The following CDH13 variants were observed in gnomAD, a reference collection of about 807,000 sequenced individuals.
The protein encoded by CDH13 is cadherin-13.
Under a neutral mutation model 63.8 loss-of-function variants are expected in CDH13, and 24 were observed. That is an observed-to-expected ratio of 0.38 (90% CI 0.27 to 0.53). CDH13 has a LOEUF of 0.53. Among genes scored for constraint, CDH13 ranks in the 20% least tolerant of loss-of-function variants. The pLI is 0.85. For missense variants in CDH13, 1,049 were observed against 903.1 expected (o/e 1.16, Z -2.07); for synonymous variants, 503 against 355.3 (o/e 1.42, Z -4.67).
chr16:83,121,558 G>T (rs1331577639), intron 3 of CDH13, among the ~76,000 whole-genome samples: 1 of 152,198 alleles, frequency 6.6e-6, no homozygotes, highest in African/African-American at 2.4e-5. Context: ...GATGATAGTG[G>T]TCGGAACATG....
chr16:83,017,545 C>A (rs1406562829), intron 2 of CDH13, among the ~76,000 whole-genome samples: 1 of 152,184 alleles, frequency 6.6e-6, no homozygotes, highest in African/African-American at 2.4e-5. Context: ...CTCTGAGCTT[C>A]AGGTTTTCTC....
chr16:83,789,873 C>T (rs2151019073), intron 13 of CDH13: 1 of 152,272 alleles, frequency 6.6e-6, no homozygotes, highest in South Asian at 2.1e-4. Flanking sequence ...TGCCCGTTCT[C>T]TGCTGCAGTG....
At chr16:83,051,387 A>G (rs1219574792) in intron 3 of CDH13, among the ~76,000 whole-genome samples, 2 of 152,226 alleles carry the variant, frequency 1.3e-5, no homozygotes, top group East Asian at 3.8e-4. Flanking sequence ...GAGCTGTGGC[A>G]TCAGTAAAAC....
chr16:83,198,169 G>C (rs2038928028), intron 4 of CDH13, among the ~76,000 whole-genome samples: 1 of 151,696 alleles, frequency 6.6e-6, no homozygotes, highest in African/African-American at 2.4e-5. Flanking sequence ...TGTTAGTTTT[G>C]TAAAGAGGAA....
chr16:82,969,281 C>T (rs930905323), intron 2 of CDH13, among the ~76,000 whole-genome samples: 4 of 151,974 alleles, frequency 2.6e-5, no homozygotes, highest in African/African-American at 9.7e-5. Flanking sequence ...TATCTAATGG[C>T]CCTATACACG....
intron 4 of CDH13, among the ~76,000 whole-genome samples, chr16:83,182,711 C>T (rs989691581): frequency 1.3e-5 from 2 of 152,150 alleles, no homozygotes; most frequent in Non-Finnish European, 1.5e-5. Context: ...CTCATTTAAT[C>T]TTCACTTAGG....
chr16:83,646,814 G>T (rs563031145), intron 8 of CDH13, among the ~76,000 whole-genome samples: 55 of 149,902 alleles, frequency 3.7e-4, no homozygotes, highest in African/African-American at 1.3e-3. Flanking sequence ...TCCAGTAACC[G>T]CAGAGCCATG....
intron 10 of CDH13, among the ~76,000 whole-genome samples, chr16:83,679,495 A>G (rs1915229965): frequency 6.6e-6 from 1 of 152,258 alleles, no homozygotes; most frequent in Non-Finnish European, 1.5e-5. Flanking sequence ...GTGGAGAAGA[A>G]GCAGAAGTTA....
chr16:83,123,977 A>G (rs970349678), intron 3 of CDH13, among the ~76,000 whole-genome samples: 1 of 152,192 alleles, frequency 6.6e-6, no homozygotes, highest in East Asian at 1.9e-4. Flanking sequence ...CATTTTTCAT[A>G]TGTCTGTTGG....
At chr16:82,937,498 A>C (rs2042708186) in intron 2 of CDH13, among the ~76,000 whole-genome samples, 1 of 152,174 alleles carries the variant, frequency 6.6e-6, no homozygotes, top group Non-Finnish European at 1.5e-5. Flanking sequence ...GAACAGAGTC[A>C]GCATTTGTAT....
intron 1 of CDH13, among the ~76,000 whole-genome samples, chr16:82,654,423 C>G (rs977036435): frequency 2.0e-5 from 3 of 152,160 alleles, no homozygotes; most frequent in Non-Finnish European, 2.9e-5. Context: ...TTGAAAACTT[C>G]TCTTGGTTCT....
chr16:83,479,392 C>T (rs144414502), intron 6 of CDH13, among the ~76,000 whole-genome samples: 17 of 152,134 alleles, frequency 1.1e-4, no homozygotes, highest in African/African-American at 3.4e-4. Flanking sequence ...CTCAGCTGGG[C>T]GCGGTGGTTC....
intron 2 of CDH13, among the ~76,000 whole-genome samples, chr16:82,895,705 A>G (rs62035248): frequency 3.3e-5 from 5 of 150,306 alleles, no homozygotes; most frequent in African/African-American, 1.2e-4. Flanking sequence ...TTTTTTTTAA[A>G]GAGGGGTGTT....
chr16:82,705,007 C>T (rs1226651894), intron 1 of CDH13: 2 of 382,162 alleles, frequency 5.2e-6, no homozygotes, highest in African/African-American at 2.1e-5. Context: ...AGGTGAATGA[C>T]CATGCATTGC....
At chr16:83,659,524 C>T (rs1449772511) in intron 8 of CDH13, among the ~76,000 whole-genome samples, 1 of 152,236 alleles carries the variant, frequency 6.6e-6, no homozygotes, top group African/African-American at 2.4e-5. Flanking sequence ...TTGTTCTCAG[C>T]CCTTGGCTGT....
intron 5 of CDH13, among the ~76,000 whole-genome samples, chr16:83,318,545 C>T (rs2090153786): frequency 6.6e-6 from 1 of 152,178 alleles, no homozygotes; most frequent in Admixed American, 6.5e-5. Context: ...TAAGCTGTTG[C>T]TTTCATTCTG....
chr16:82,816,850 C>T (rs1020958241), intron 1 of CDH13, among the ~76,000 whole-genome samples: 3 of 151,772 alleles, frequency 2.0e-5, no homozygotes, highest in Middle Eastern at 3.2e-3. Flanking sequence ...CATCTCTGCA[C>T]TCCTGAAGCT....
intron 7 of CDH13, among the ~76,000 whole-genome samples, chr16:83,502,967 A>C (rs1239549872): frequency 2.6e-5 from 4 of 152,196 alleles, no homozygotes; most frequent in African/African-American, 9.7e-5. Flanking sequence ...TGTTCCTCTC[A>C]GGGGGTGGCC....
intron 2 of CDH13, among the ~76,000 whole-genome samples, chr16:82,988,690 T>A (rs964991197): frequency 6.8e-6 from 1 of 147,514 alleles, no homozygotes; most frequent in Non-Finnish European, 1.5e-5. Flanking sequence ...TGAACCCGGC[T>A]GGCGGAGGTT....
Sources: allele counts gnomAD v4.1 joint callset (sites outside exome capture counted in the v4.1 genomes callset), GRCh38; gene constraint gnomAD v4.1.1; transcripts MANE v1.5; gene names NCBI Gene and HGNC (gene_info 2026-07-23, HGNC 2026-07-21).